Variants in PXDNL observed in about 807,000 individuals in gnomAD.
The protein encoded by PXDNL is peroxidasin like, also known as probable oxidoreductase PXDNL.
A neutral mutation model predicts 150.8 loss-of-function variants in PXDNL; 145 were observed. The observed-to-expected ratio is 0.96, with a 90% CI of 0.84 to 1.10. The LOEUF (loss-of-function observed/expected upper bound fraction) is 1.10. Among genes scored for constraint, PXDNL ranks in the 50% least tolerant of loss-of-function variants. The pLI is 0.00. For missense variants in PXDNL, 2,087 were observed against 1,873.9 expected, an observed-to-expected ratio of 1.11 and a Z score of -2.10; for synonymous variants, 757 against 725.7, an observed-to-expected ratio of 1.04 and a Z score of -0.69.
At chr8:51,523,915 A>G (rs892539041) in intron 4 of PXDNL, among the ~76,000 whole-genome samples, 1 of 152,224 alleles carries the variant, frequency 6.6e-6, no homozygotes, top group Non-Finnish European at 1.5e-5. Flanking sequence ...GGGCTGGAAA[A>G]GGAAAATCTC....
chr8:51,620,401 A>T lies in PXDNL; in HGVS notation c.237-27703T>A, dbSNP rs553415401. ...AACACTGTAGTTTATTCCTAGAGTG[A>T]TTTTAGCTAACACATGGCCAACATT... On this transcript the variant is annotated intron_variant, in intron 2 of 22. Coordinates refer to ENST00000356297, the MANE Select transcript of PXDNL (RefSeq NM_144651.5). Among the ~76,000 whole-genome samples the T allele has an allele frequency of 2.0e-5, 3 of 152,260 alleles. No homozygotes were observed. The East Asian group carries it at 5.8e-4, about 29-fold the overall frequency.
At chr8:51,471,187 A>T (rs529888995) in intron 8 of PXDNL, among the ~76,000 whole-genome samples, 1 of 151,848 alleles carries the variant, frequency 6.6e-6, no homozygotes, top group African/African-American at 2.4e-5. Context: ...ATATGAACAG[A>T]CACTTCTCAA....
chr8:51,363,324 C>T (rs534017609), intron 19 of PXDNL, among the ~76,000 whole-genome samples: 5 of 151,634 alleles, frequency 3.3e-5, no homozygotes, highest in East Asian at 2.0e-4. Context: ...CAGGACAAGC[C>T]GTAGACAAAA....
intron 21 of PXDNL, among the ~76,000 whole-genome samples, chr8:51,338,348 G>C (rs6996951): frequency 0.22 from 34,084 of 152,098 alleles, 3,948 homozygotes; most frequent in Middle Eastern, 0.3. Context: ...TAATCACACC[G>C]CTCCACCTGG....
chr8:51,374,456 C>T, intron 18 of PXDNL, 141 bp downstream of exon 18: 1 of 711,528 alleles, frequency 1.4e-6, no homozygotes, highest in Non-Finnish European at 2.2e-6. Flanking sequence ...TACAAAAGTT[C>T]TGTCACCTAA....
At position 51,640,491 on chromosome 8, in the gene PXDNL, G is replaced by A. The variant is rs1466615181; in HGVS notation, c.236+14198C>T. Among the ~76,000 whole-genome samples, 7 of 152,282 alleles carry A rather than the reference G, an allele frequency of 4.6e-5. No homozygotes were observed. In the East Asian group the frequency reaches 1.2e-3, roughly 25 times the overall value. ...GCCCAAATTCTCCTTAAGCTGATAAGCAACTTCAGCAAAATCTCAGGATAC... is the reference window on the plus strand; with the variant it reads ...GCCCAAATTCTCCTTAAGCTGATAAACAACTTCAGCAAAATCTCAGGATAC... On this transcript the variant is annotated intron_variant, in intron 2 of 22. Transcript: ENST00000356297.
intron 5 of PXDNL, among the ~76,000 whole-genome samples, chr8:51,495,372 T>C (rs1182852000): frequency 6.6e-6 from 1 of 151,708 alleles, no homozygotes; most frequent in Non-Finnish European, 1.5e-5. Flanking sequence ...TTAAAAGAAC[T>C]AGAAAAGCAA....
intron 8 of PXDNL, among the ~76,000 whole-genome samples, chr8:51,471,139 C>CA (rs5891416): frequency 0.041 from 4,620 of 112,884 alleles, 175 homozygotes; most frequent in East Asian, 0.23. Context: ...AACAAATTTA[C>CA]AAAAAAAAAA....
intron 16 of PXDNL, among the ~76,000 whole-genome samples, chr8:51,410,952 A>T (rs902561554): frequency 1.3e-5 from 2 of 152,224 alleles, no homozygotes; most frequent in African/African-American, 4.8e-5. Context: ...TTTCTCTATA[A>T]GACACAATAA....
intron 4 of PXDNL, among the ~76,000 whole-genome samples, chr8:51,511,151 T>G: frequency 6.6e-6 from 1 of 152,166 alleles, no homozygotes; most frequent in South Asian, 2.1e-4. Flanking sequence ...CATGCAGGCC[T>G]GCACTCATCT....
intron 4 of PXDNL, among the ~76,000 whole-genome samples, chr8:51,552,236 C>T (rs1272677474): frequency 1.3e-5 from 2 of 151,798 alleles, no homozygotes; most frequent in South Asian, 2.1e-4. Context: ...GCTGGTGGGG[C>T]AACCACTAAT....
intron 16 of PXDNL, 24 bp from the exon 17 acceptor site, chr8:51,409,585 G>A (rs754418102): frequency 3.1e-5 from 47 of 1,526,914 alleles, no homozygotes; most frequent in African/African-American, 9.8e-5. Context: ...GGCGAAAGCC[G>A]TGAGGAGGGC....
At chr8:51,429,107 A>G (rs1809187067) in intron 12 of PXDNL, among the ~76,000 whole-genome samples, 2 of 152,242 alleles carry the variant, frequency 1.3e-5, no homozygotes, top group African/African-American at 4.8e-5. Flanking sequence ...CATTAGGGAC[A>G]TGCAAATTAA....
At chr8:51,558,241 C>A (rs943494012) in intron 3 of PXDNL, among the ~76,000 whole-genome samples, 5 of 152,016 alleles carry the variant, frequency 3.3e-5, no homozygotes, top group African/African-American at 9.7e-5. Flanking sequence ...GTCCCTGCCT[C>A]CACAAACTCT....
At chr8:51,575,490 G>A (rs1280554920) in intron 3 of PXDNL, among the ~76,000 whole-genome samples, 1 of 152,090 alleles carries the variant, frequency 6.6e-6, no homozygotes, top group Non-Finnish European at 1.5e-5. Flanking sequence ...CAAAGTGAGT[G>A]GATCACTTGA....
At chr8:51,746,121 A>T (rs1278271210) in intron 1 of PXDNL, among the ~76,000 whole-genome samples, 1 of 152,158 alleles carries the variant, frequency 6.6e-6, no homozygotes, top group Non-Finnish European at 1.5e-5. Flanking sequence ...TATTAGCAAG[A>T]CTTCCATCTC....
intron 19 of PXDNL, among the ~76,000 whole-genome samples, chr8:51,360,609 G>T (rs1806702486): frequency 6.6e-6 from 1 of 152,060 alleles, no homozygotes; most frequent in Admixed American, 6.6e-5. Context: ...TGTTAAATTA[G>T]GTTTAGACCA....
chr8:51,654,546 C>G (rs1585651656), intron 2 of PXDNL, 143 bp downstream of exon 2: 1 of 635,682 alleles, frequency 1.6e-6, no homozygotes, highest in Non-Finnish European at 2.8e-6. Context: ...AAAGAAGCAG[C>G]AGAATTTTCC....
chr8:51,620,144 T>TA (rs1814217990), intron 2 of PXDNL, among the ~76,000 whole-genome samples: 1 of 152,138 alleles, frequency 6.6e-6, no homozygotes, highest in Non-Finnish European at 1.5e-5. Context: ...CACCTGAAAA[T>TA]ATAGTTTTGA....
Sources: allele counts gnomAD v4.1 joint callset (sites outside exome capture counted in the v4.1 genomes callset), GRCh38; gene constraint gnomAD v4.1.1; transcripts MANE v1.5; gene names NCBI Gene and HGNC (gene_info 2026-07-23, HGNC 2026-07-21).